SGCD: variants seen among roughly 807,000 people sequenced by gnomAD.
SGCD encodes delta-sarcoglycan.
Under a neutral mutation model 36.6 loss-of-function variants are expected in SGCD, and 18 were observed. The observed-to-expected ratio is 0.49, with a 90% CI of 0.34 to 0.73. The LOEUF is 0.73. SGCD is among the 30% of genes least tolerant of loss of function. The pLI, the probability that SGCD is intolerant of heterozygous loss-of-function variation, is 0.01. For synonymous variants in SGCD, 133 were observed against 130.6 expected (o/e 1.02, Z -0.12); for missense variants, 387 against 346.7 (o/e 1.12, Z -0.92).
intron 3 of SGCD, among the ~76,000 whole-genome samples, chr5:156,215,635 A>G (rs1317480557): frequency 6.6e-6 from 1 of 152,166 alleles, no homozygotes; most frequent in Non-Finnish European, 1.5e-5. Flanking sequence ...ATGAGATATC[A>G]CCTAACACCA....
At chr5:156,460,179 A>G (rs540946586) in intron 3 of SGCD, among the ~76,000 whole-genome samples, 1 of 152,250 alleles carries the variant, frequency 6.6e-6, no homozygotes, top group Non-Finnish European at 1.5e-5. Context: ...GGGGACAACT[A>G]CCCTCAACTG....
At chr5:156,336,346 C>T (rs1768353599) in intron 2 of SGCD, among the ~76,000 whole-genome samples, 1 of 152,202 alleles carries the variant, frequency 6.6e-6, no homozygotes, top group Admixed American at 6.5e-5. Flanking sequence ...TCCTTAACAC[C>T]TCAGCACTGT....
chr5:156,168,343 T>A (rs564766770), intron 3 of SGCD, among the ~76,000 whole-genome samples: 81 of 151,554 alleles, frequency 5.3e-4, no homozygotes, highest in African/African-American at 1.8e-3. Context: ...ACCACTATTT[T>A]ACCAACATAG....
At chr5:155,828,267 A>C in the SGCD span, among the ~76,000 whole-genome samples, 1 of 152,138 alleles carries the variant, frequency 6.6e-6, no homozygotes, top group East Asian at 1.9e-4. Flanking sequence ...CACAAAGGGT[A>C]GGTAATTATC....
At chr5:155,861,605 C>A in the SGCD span, among the ~76,000 whole-genome samples, 1 of 152,200 alleles carries the variant, frequency 6.6e-6, no homozygotes, top group East Asian at 1.9e-4. Flanking sequence ...GTAGTCCCAG[C>A]TACTCAGGAG....
rs1461022682 is a variant in SGCD at position 156,585,286 on chromosome 5, A to G, written c.295-3945A>G. Among the ~76,000 whole-genome samples the G allele has an allele frequency of 4.6e-5, 7 of 152,234 alleles. No homozygotes were observed. The East Asian group carries it at 1.3e-3, about 29-fold the overall frequency. Reference sequence around the variant, plus strand: ...ACTCCAAGAAAATAGAAATAACTGTACTATAGTATTGTTTTTCAGTAACTT... The same window carrying G: ...ACTCCAAGAAAATAGAAATAACTGTGCTATAGTATTGTTTTTCAGTAACTT... On this transcript the variant is annotated intron_variant, in intron 4 of 8. Transcript: ENST00000337851.
intron 1 of SGCD, among the ~76,000 whole-genome samples, chr5:155,960,198 A>C (rs895167710): frequency 1.3e-5 from 2 of 148,248 alleles, no homozygotes; most frequent in African/African-American, 2.5e-5. Flanking sequence ...TCTTTACACC[A>C]CTCTTTTCTT....
At chr5:156,146,059 A>G (rs992443567) in intron 3 of SGCD, among the ~76,000 whole-genome samples, 1 of 152,046 alleles carries the variant, frequency 6.6e-6, no homozygotes, top group African/African-American at 2.4e-5. Context: ...TAAAAATACA[A>G]AAAATTAGCT....
intron 7 of SGCD, among the ~76,000 whole-genome samples, chr5:156,703,300 CAG>C (rs950818200): frequency 2.0e-5 from 3 of 152,092 alleles, no homozygotes; most frequent in Admixed American, 1.3e-4. Context: ...GAAAATAAAA[CAG>C]ATTTAGAATC....
rs867602872 is a variant in SGCD at position 156,062,035 on chromosome 5, A to G, written c.-281-55843A>G. Among the ~76,000 whole-genome samples, 84 of 82,298 alleles carry G rather than the reference A, an allele frequency of 1.0e-3. 3 individuals are homozygous for G. In the Middle Eastern group the frequency reaches 0.017, roughly 17 times the overall value. 54.0% of individuals were successfully genotyped at this position (82,298 alleles called of 152,430 possible). A position where few individuals can be genotyped will look rare whatever the true frequency, so the allele number is the denominator to read the frequency against. On this transcript the variant is annotated intron_variant, in intron 1 of 9. Transcript: ENST00000517913. The stretch of plus-strand genomic sequence containing the variant: ...CCATGCTGGTGCGCTGCACCCACTA[A>G]TGTGTCATCTAGCATTAGGTATATC...
chr5:155,917,077 C>T (rs1756761119), intron 1 of SGCD, among the ~76,000 whole-genome samples: 1 of 152,162 alleles, frequency 6.6e-6, no homozygotes, highest in Non-Finnish European at 1.5e-5. Flanking sequence ...AGTCATTATG[C>T]ATCAAAGGCA....
At chr5:155,760,148 TATCATCCTCACC>T in the SGCD span, among the ~76,000 whole-genome samples, 2 of 121,880 alleles carry the variant, frequency 1.6e-5, no homozygotes, top group African/African-American at 3.2e-5. Flanking sequence ...TCACCCTCTC[TATCATCCTCACC>T]ATCATCCTCA....
chr5:156,087,803 G>A (rs2127593263), intron 1 of SGCD, among the ~76,000 whole-genome samples: 1 of 152,244 alleles, frequency 6.6e-6, no homozygotes, highest in Admixed American at 6.5e-5. Flanking sequence ...CCAGACCCAG[G>A]GATGGAGGAA....
At chr5:156,701,478 T>A (rs1052195997) in intron 7 of SGCD, among the ~76,000 whole-genome samples, 1 of 152,216 alleles carries the variant, frequency 6.6e-6, no homozygotes, top group African/African-American at 2.4e-5. Context: ...TCTTCCACAA[T>A]TGACTGTTTA....
intron 2 of SGCD, among the ~76,000 whole-genome samples, chr5:156,331,447 G>T (rs1363014939): frequency 1.3e-5 from 2 of 152,180 alleles, no homozygotes; most frequent in African/African-American, 4.8e-5. Flanking sequence ...TATTAATGGA[G>T]CTCAGGATGT....
intron 3 of SGCD, among the ~76,000 whole-genome samples, chr5:156,346,331 C>G (rs751525762): frequency 1.3e-5 from 2 of 152,106 alleles, no homozygotes; most frequent in Non-Finnish European, 2.9e-5. Context: ...CAGGGTCTCA[C>G]TTTTTCACAG....
chr5:155,761,902 C>T, the SGCD span, among the ~76,000 whole-genome samples: 2 of 152,186 alleles, frequency 1.3e-5, no homozygotes, highest in African/African-American at 4.8e-5. Flanking sequence ...CCGTTATTGT[C>T]ATGTCTGCCA....
chr5:156,311,920 A>G (rs142164968), intron 3 of SGCD, among the ~76,000 whole-genome samples: 44 of 152,242 alleles, frequency 2.9e-4, no homozygotes, highest in African/African-American at 9.1e-4. Context: ...CAGAGCTTTT[A>G]TATTTTTTAT....
the SGCD span, among the ~76,000 whole-genome samples, chr5:155,818,788 T>C: frequency 6.6e-6 from 1 of 152,150 alleles, no homozygotes; most frequent in Non-Finnish European, 1.5e-5. Context: ...CCCAACATAA[T>C]GGGATTACAA....
Sources: allele counts gnomAD v4.1 joint callset (sites outside exome capture counted in the v4.1 genomes callset), GRCh38; gene constraint gnomAD v4.1.1; transcripts MANE v1.5; gene names NCBI Gene and HGNC (gene_info 2026-07-23, HGNC 2026-07-21).